The following MBNL1 variants were observed in gnomAD, a reference collection of about 807,000 sequenced individuals.
MBNL1 encodes muscleblind-like protein 1.
Under a neutral mutation model 42.2 loss-of-function variants are expected in MBNL1, and 8 were observed. The observed-to-expected ratio is 0.19, with a 90% CI of 0.11 to 0.34. The LOEUF (loss-of-function observed/expected upper bound fraction) is 0.34, where lower values mean the gene tolerates loss of function less well. Ranked by LOEUF, MBNL1 falls within the 10% of genes least tolerant of loss-of-function variation. The pLI, the probability that MBNL1 is intolerant of heterozygous loss-of-function variation, is 1.00. For synonymous variants in MBNL1, 169 were observed against 173.9 expected, an observed-to-expected ratio of 0.97 and a Z score of 0.22; for missense variants, 309 against 495.3, an observed-to-expected ratio of 0.62 and a Z score of 3.57.
At chr3:152,353,363 C>T (rs1185099849) in intron 2 of MBNL1, among the ~76,000 whole-genome samples, 1 of 152,162 alleles carries the variant, frequency 6.6e-6, no homozygotes, top group African/African-American at 2.4e-5. Flanking sequence ...CGCTTAGTGT[C>T]TTTTGGCTAG....
chr3:152,382,303 T>C (rs543971561), intron 2 of MBNL1, among the ~76,000 whole-genome samples: 53 of 152,192 alleles, frequency 3.5e-4, no homozygotes, highest in African/African-American at 1.2e-3. Flanking sequence ...AAAATCGTAA[T>C]GTAAAATAAT....
intron 2 of MBNL1, among the ~76,000 whole-genome samples, chr3:152,315,717 C>T (rs1437515725): frequency 6.6e-6 from 1 of 152,020 alleles, no homozygotes; most frequent in African/African-American, 2.4e-5. Flanking sequence ...TTTGTTTTAG[C>T]AGCTCAGTTG....
At chr3:152,348,772 A>T (rs1390649743) in intron 2 of MBNL1, among the ~76,000 whole-genome samples, 1 of 152,128 alleles carries the variant, frequency 6.6e-6, no homozygotes, top group East Asian at 1.9e-4. Flanking sequence ...GATAGTAATG[A>T]TTATTAAAGG....
chr3:152,326,925 C>T (rs1248790270), intron 2 of MBNL1, among the ~76,000 whole-genome samples: 1 of 151,818 alleles, frequency 6.6e-6, no homozygotes, highest in Non-Finnish European at 1.5e-5. Flanking sequence ...GGCTTAGCCT[C>T]CCGAGTAGCT....
At chr3:152,260,385 T>G (rs540789440) in intron 2 of MBNL1, among the ~76,000 whole-genome samples, 1 of 152,304 alleles carries the variant, frequency 6.6e-6, no homozygotes, top group Non-Finnish European at 1.5e-5. Flanking sequence ...GGCCATAAAC[T>G]AAGATGTCTA....
At chr3:152,398,806 A>G (rs1470528964) in intron 2 of MBNL1, among the ~76,000 whole-genome samples, 3 of 152,154 alleles carry the variant, frequency 2.0e-5, no homozygotes, top group Non-Finnish European at 4.4e-5. Flanking sequence ...ACCTTCCCCA[A>G]GCTAGACTTT....
At chr3:152,296,178 G>A (rs1471801139) in intron 1 of MBNL1, among the ~76,000 whole-genome samples, 1 of 152,166 alleles carries the variant, frequency 6.6e-6, no homozygotes, top group Non-Finnish European at 1.5e-5. Flanking sequence ...GCATTAGGGA[G>A]AGGAGGATGC....
chr3:152,409,609 G>C (rs1285059729), intron 2 of MBNL1, among the ~76,000 whole-genome samples: 1 of 152,106 alleles, frequency 6.6e-6, no homozygotes, highest in Non-Finnish European at 1.5e-5. Flanking sequence ...GGAAATCTTG[G>C]TTTTAACAAT....
Position 152,341,122 on chromosome 3 carries a change from T to A in MBNL1, c.174+40755T>A, listed in dbSNP as rs1392595365. 1.6e-5 allele frequency: 8 copies of A among 486,690 alleles called. No homozygotes were observed. In the Admixed American group the frequency reaches 2.8e-4, roughly 17 times the overall value. The allele number at this position is 486,690 out of a possible 1,614,324, so 30.1% of individuals were successfully genotyped here. Reference sequence around the variant, plus strand: ...TATAACTAAATGAAATGTTTTGAAGTGCATTAAAATGGGTAATTCTTTCAT... The same window carrying A: ...TATAACTAAATGAAATGTTTTGAAGAGCATTAAAATGGGTAATTCTTTCAT... On this transcript the variant is annotated intron_variant, in intron 2 of 9. Transcript: ENST00000324210.
chr3:152,303,927 T>C (rs1324473794), intron 2 of MBNL1, among the ~76,000 whole-genome samples: 3 of 152,294 alleles, frequency 2.0e-5, no homozygotes, highest in East Asian at 1.9e-4. Context: ...CTTTATCAAA[T>C]TGAGCCATTT....
At chr3:152,365,464 A>C (rs1043489004) in intron 2 of MBNL1, among the ~76,000 whole-genome samples, 1 of 152,128 alleles carries the variant, frequency 6.6e-6, no homozygotes, top group Non-Finnish European at 1.5e-5. Context: ...TTCCCTTTTC[A>C]AATTTTGATA....
chr3:152,295,990 A>G (rs902491767), intron 1 of MBNL1, among the ~76,000 whole-genome samples: 1 of 152,280 alleles, frequency 6.6e-6, no homozygotes, highest in African/African-American at 2.4e-5. Context: ...AGGCAAGAAC[A>G]AAACATAGTC....
intron 2 of MBNL1, chr3:152,340,516 T>C (rs768574509): frequency 6.3e-7 from 1 of 1,576,034 alleles, no homozygotes; most frequent in Admixed American, 1.9e-5. Flanking sequence ...ATAGTGGAAG[T>C]TGGGAGATTT....
intron 2 of MBNL1, among the ~76,000 whole-genome samples, chr3:152,376,416 G>C (rs1292288316): frequency 1.3e-5 from 2 of 152,124 alleles, no homozygotes; most frequent in African/African-American, 4.8e-5. Flanking sequence ...CAGTGATATA[G>C]TTTTCTCTTC....
chr3:152,440,236 A>G (rs896232725), intron 4 of MBNL1, among the ~76,000 whole-genome samples: 1 of 152,212 alleles, frequency 6.6e-6, no homozygotes, highest in Non-Finnish European at 1.5e-5. Context: ...TTTTTTTGGA[A>G]GGAGAAAAAT....
intron 2 of MBNL1, among the ~76,000 whole-genome samples, chr3:152,404,394 C>G (rs371402191): frequency 2.4e-4 from 36 of 152,198 alleles, no homozygotes; most frequent in African/African-American, 7.5e-4. Context: ...AAACATATTA[C>G]ATAATATTAT....
chr3:152,391,314 A>G (rs1395841929), intron 2 of MBNL1, among the ~76,000 whole-genome samples: 1 of 152,370 alleles, frequency 6.6e-6, no homozygotes, highest in African/African-American at 2.4e-5. Flanking sequence ...CCTAAAATGA[A>G]TAATGATTCT....
chr3:152,301,471 T>TA (rs1258630298), intron 2 of MBNL1, among the ~76,000 whole-genome samples: 3 of 152,216 alleles, frequency 2.0e-5, no homozygotes, highest in African/African-American at 7.2e-5. Flanking sequence ...TTTTCTTTAA[T>TA]AACATCAGGG....
At chr3:152,326,428 T>G (rs1425726751) in intron 2 of MBNL1, among the ~76,000 whole-genome samples, 1 of 152,176 alleles carries the variant, frequency 6.6e-6, no homozygotes, top group African/African-American at 2.4e-5. Flanking sequence ...GTGAATCAGA[T>G]TGGCCTGGGC....
Sources: allele counts gnomAD v4.1 joint callset (sites outside exome capture counted in the v4.1 genomes callset), GRCh38; gene constraint gnomAD v4.1.1; transcripts MANE v1.5; gene names NCBI Gene and HGNC (gene_info 2026-07-23, HGNC 2026-07-21).